The following NFATC1 variants were observed in gnomAD, a reference collection of about 807,000 sequenced individuals.
NFATC1 encodes nuclear factor of activated T cells 1.
A neutral mutation model predicts 76.0 loss-of-function variants in NFATC1; 22 were observed. The observed-to-expected ratio is 0.29, with a 90% CI of 0.21 to 0.41. The LOEUF (loss-of-function observed/expected upper bound fraction) is 0.41, where lower values mean the gene tolerates loss of function less well. Among genes scored for constraint, NFATC1 ranks in the 10% least tolerant of loss-of-function variants. NFATC1 has a pLI of 1.00. For synonymous variants in NFATC1, 704 were observed against 613.1 expected (o/e 1.15, Z -2.19); for missense variants, 1,357 against 1,337.7 (o/e 1.01, Z -0.23).
intron 3 of NFATC1, among the ~76,000 whole-genome samples, chr18:79,440,842 G>A (rs1057281904): frequency 6.6e-5 from 10 of 152,250 alleles, no homozygotes; most frequent in Admixed American, 3.9e-4. Flanking sequence ...GCTGCTGGGC[G>A]GGACGGCTGC....
At position 79,524,805 on chromosome 18, in the gene NFATC1, G is replaced by A. The variant is rs1041214723; in HGVS notation, c.2783-2723G>A. Among the ~76,000 whole-genome samples, 1 of 152,000 alleles carries A rather than the reference G, an allele frequency of 6.6e-6. No individual in the cohort carries two copies. Among genetic ancestry groups the A allele is most frequent in the East Asian group, 1.9e-4 (1 of 5,164 alleles). ...CTCTCCCACCGAGGCTCAGGTGCTC[G>A]TGGGCAGCAAGGGGAAGCCCCATGG... is the stretch of plus-strand genomic sequence containing the variant. On this transcript the variant is annotated intron_variant, in intron 9 of 9. Transcript: ENST00000427363. This position sits in a 1 kb window ranked among gnomAD's most constrained non-coding sequence, Gnocchi z 7.2.
intron 2 of NFATC1, 142 bp downstream of exon 2, chr18:79,411,643 C>T (rs1221409498): frequency 4.2e-5 from 25 of 593,998 alleles, no homozygotes; most frequent in Admixed American, 1.6e-4. Flanking sequence ...GTGGGCTCCT[C>T]GTGGAGCTGG....
Position 79,428,562 on chromosome 18 carries a change from T to G in NFATC1, c.1227-5017T>G, listed in dbSNP as rs2086478610. ...TGTGGATGTTTGCGTTGCCAGCGTT[T>G]ACAACAACAGAGGGGAACAGCCCAC... On this transcript the variant is annotated intron_variant, in intron 2 of 9. Coordinates refer to ENST00000427363, the MANE Select transcript of NFATC1 (RefSeq NM_001278669.2). 2.0e-5 allele frequency among the ~76,000 whole-genome samples: 3 copies of G among 152,208 alleles called. No homozygotes were observed. The South Asian group carries it at 6.2e-4, about 31-fold the overall frequency.
At chr18:79,396,709 G>A (rs2085017423) in intron 1 of NFATC1, among the ~76,000 whole-genome samples, 1 of 152,186 alleles carries the variant, frequency 6.6e-6, no homozygotes, top group African/African-American at 2.4e-5. Flanking sequence ...AGGAAGGGAG[G>A]CTTCCTTGGG....
At chr18:79,477,210 G>C (rs887592424) in intron 8 of NFATC1, among the ~76,000 whole-genome samples, 1 of 152,176 alleles carries the variant, frequency 6.6e-6, no homozygotes, top group African/African-American at 2.4e-5. Context: ...TTATGTTGAT[G>C]GCAAAACTTG....
intron 9 of NFATC1, among the ~76,000 whole-genome samples, chr18:79,520,381 C>T (rs1040827729): frequency 7.1e-6 from 1 of 141,592 alleles, no homozygotes; most frequent in Non-Finnish European, 1.6e-5. Flanking sequence ...CAGTGGAAGG[C>T]GAGTGGCAGC....
chr18:79,444,686 C>T (rs1349193718), intron 3 of NFATC1, among the ~76,000 whole-genome samples: 4 of 151,970 alleles, frequency 2.6e-5, no homozygotes, highest in Admixed American at 1.3e-4. Flanking sequence ...CCCACGTGCC[C>T]GACCCCGCAG....
intron 9 of NFATC1, among the ~76,000 whole-genome samples, chr18:79,526,566 G>A (rs1413678988): frequency 6.6e-6 from 1 of 152,244 alleles, no homozygotes; most frequent in African/African-American, 2.4e-5. Context: ...CAGAGCCTTG[G>A]GCGAGCCAGC....
chr18:79,402,477 G>A (rs545400924), intron 1 of NFATC1: 2 of 824,850 alleles, frequency 2.4e-6, no homozygotes, highest in Non-Finnish European at 1.5e-6. Flanking sequence ...ACCCTCGCAG[G>A]CACCCTGGGC....
At chr18:79,513,177 C>T (rs114531604) in intron 9 of NFATC1, among the ~76,000 whole-genome samples, 122 of 152,358 alleles carry the variant, frequency 8.0e-4, no homozygotes, top group Middle Eastern at 3.4e-3. Context: ...CTCCCGTCGG[C>T]GTAGAGCAGC....
rs148537532 is a variant in NFATC1 at position 79,520,603 on chromosome 18, G to C, written c.2783-6925G>C. ...GGGGCATCCGCTGATGTGTGTGTCT[G>C]TGTGTGTGTGGGGGGGGCATCCACT... On this transcript the variant is annotated intron_variant, in intron 9 of 9. Transcript: ENST00000427363. Among the ~76,000 whole-genome samples the C allele has an allele frequency of 5.2e-3, 632 of 121,148 alleles. 50 individuals are homozygous for C. Among genetic ancestry groups the C allele is most frequent in the Admixed American group, 9.7e-3 (112 of 11,580 alleles). The allele number at this position is 121,148 out of a possible 152,430, so 79.5% of individuals were successfully genotyped here.
At chr18:79,433,785 C>A in intron 3 of NFATC1, 47 bp downstream of exon 3, 1 of 1,577,736 alleles carries the variant, frequency 6.3e-7, no homozygotes, top group Non-Finnish European at 8.6e-7. Context: ...CTTTTGTGGT[C>A]AAAAAGTAAC....
chr18:79,426,422 A>AT (rs1388874819), intron 2 of NFATC1, among the ~76,000 whole-genome samples: 1 of 152,066 alleles, frequency 6.6e-6, no homozygotes, highest in African/African-American at 2.4e-5. Context: ...ACTGTCCTCC[A>AT]TGCCACGTCC....
chr18:79,505,817 G>GAC (rs1569039092), intron 9 of NFATC1, among the ~76,000 whole-genome samples: 35 of 138,098 alleles, frequency 2.5e-4, no homozygotes, highest in African/African-American at 1.0e-3. Flanking sequence ...AGGTGGTGCT[G>GAC]GAGGCCCTTG....
intron 9 of NFATC1, chr18:79,497,230 A>T (rs1272913310): frequency 6.6e-6 from 1 of 152,292 alleles, no homozygotes; most frequent in African/African-American, 2.4e-5. Context: ...CCCCAAAGCA[A>T]CAAAAATACA....
At chr18:79,412,440 T>G (rs560532911) in intron 2 of NFATC1, among the ~76,000 whole-genome samples, 3 of 151,638 alleles carry the variant, frequency 2.0e-5, no homozygotes, top group East Asian at 1.9e-4. Flanking sequence ...TTTTTGTTTT[T>G]TTTTTTTTTT....
intron 7 of NFATC1, among the ~76,000 whole-genome samples, chr18:79,462,288 T>C (rs2088147909): frequency 6.6e-6 from 1 of 152,222 alleles, no homozygotes; most frequent in African/African-American, 2.4e-5. Flanking sequence ...TCTGACGCTG[T>C]CTTGTAATTG....
At chr18:79,436,994 G>T (rs887829309) in intron 3 of NFATC1, among the ~76,000 whole-genome samples, 2 of 152,192 alleles carry the variant, frequency 1.3e-5, no homozygotes, top group African/African-American at 4.8e-5. Context: ...CATTACGGCT[G>T]CCACGGCGCT....
intron 9 of NFATC1, among the ~76,000 whole-genome samples, chr18:79,499,341 G>T (rs567200673): frequency 4.6e-5 from 5 of 108,590 alleles, no homozygotes; most frequent in African/African-American, 1.3e-4. Context: ...ATATATATGT[G>T]TGTGAGTGTG....
Sources: allele counts gnomAD v4.1 joint callset (sites outside exome capture counted in the v4.1 genomes callset), GRCh38; gene constraint gnomAD v4.1.1; non-coding constraint Gnocchi (gnomAD v3.1); transcripts MANE v1.5; gene names NCBI Gene and HGNC (gene_info 2026-07-23, HGNC 2026-07-21).